TMEM220: variants seen among roughly 807,000 people sequenced by gnomAD.
The protein encoded by TMEM220 is transmembrane protein 220.
In TMEM220, 21 loss-of-function variants were observed where a neutral mutation model predicts 21.7. The observed-to-expected ratio is 0.97, with a 90% CI of 0.69 to 1.39. TMEM220 has a LOEUF of 1.39. TMEM220 is among the 40% of genes most tolerant of loss of function. The probability of loss-of-function intolerance (pLI) is 0.00; values close to 1 mark genes in which losing one functional copy is unlikely to be tolerated. For synonymous variants in TMEM220, 80 were observed against 73.6 expected (o/e 1.09, Z -0.45); for missense variants, 191 against 201.9 (o/e 0.95, Z 0.33).
At chr17:10,726,142 AC>A in intron 3 of TMEM220, 61 bp downstream of exon 3, 1 of 1,365,900 alleles carries the variant, frequency 7.3e-7, no homozygotes, top group Admixed American at 1.7e-5. Context: ...GGGCAGATAG[AC>A]CCTCATTATT....
At chr17:10,722,999 T>TG (rs2075009667) in intron 5 of TMEM220, among the ~76,000 whole-genome samples, 4 of 151,732 alleles carry the variant, frequency 2.6e-5, no homozygotes, top group Admixed American at 6.6e-5. Context: ...TTTTTTTTTT[T>TG]TGAGAGAGTG....
chr17:10,726,921 G>A (rs992095630), intron 2 of TMEM220, among the ~76,000 whole-genome samples: 2 of 152,200 alleles, frequency 1.3e-5, no homozygotes, highest in African/African-American at 2.4e-5. Context: ...TAAGTAGGGA[G>A]GGTGGGTTTA....
chr17:10,726,447 G>A (rs1196737390), intron 2 of TMEM220, 183 bp from the exon 3 acceptor site: 1 of 614,740 alleles, frequency 1.6e-6, no homozygotes, highest in Admixed American at 2.6e-5. Flanking sequence ...TAGCACGTCT[G>A]CCTGCAATTT....
At chr17:10,725,459 TCTC>T (rs1200516721) in intron 3 of TMEM220, among the ~76,000 whole-genome samples, 1 of 152,202 alleles carries the variant, frequency 6.6e-6, no homozygotes. Flanking sequence ...ATACATGTTA[TCTC>T]CTCAGCCACA....
chr17:10,729,756 C>T (rs1395844930), intron 1 of TMEM220, 24 bp downstream of exon 1: 85 of 1,344,386 alleles, frequency 6.3e-5, no homozygotes, highest in South Asian at 1.4e-4. Flanking sequence ...CGGGCGGGTC[C>T]CCCTCCCACC....
chr17:10,711,376 A>AT, downstream of TMEM220: 1 of 497,440 alleles, frequency 2.0e-6, no homozygotes. Flanking sequence ...TATAGTCCTC[A>AT]TAAGGGGCAT....
At chr17:10,728,959 T>C in intron 2 of TMEM220, 72 bp downstream of exon 2, 3 of 1,532,270 alleles carry the variant, frequency 2.0e-6, no homozygotes, top group Non-Finnish European at 2.7e-6. Flanking sequence ...GGTAAAGACA[T>C]AAAACCGTGT....
chr17:10,724,976 T>A (rs766576744), intron 4 of TMEM220, 35 bp downstream of exon 4: 126 of 1,613,508 alleles, frequency 7.8e-5, no homozygotes, highest in Non-Finnish European at 1.0e-4. Flanking sequence ...TATCCCACAG[T>A]TCTATCCCTC....
At chr17:10,723,128 G>C (rs567870678) in intron 5 of TMEM220, 142 bp downstream of exon 5, 9 of 681,046 alleles carry the variant, frequency 1.3e-5, no homozygotes, top group Admixed American at 6.3e-5. Context: ...CTACAGGCGC[G>C]TGCCACCACA....
chr17:10,728,199 G>A (rs2151482005), intron 2 of TMEM220, among the ~76,000 whole-genome samples: 1 of 148,980 alleles, frequency 6.7e-6, no homozygotes, highest in South Asian at 2.1e-4. Flanking sequence ...AAGATGTATG[G>A]AACAATGGCC....
At position 10,729,148 on chromosome 17, in the gene TMEM220, T is replaced by C. The variant is rs2075089799; in HGVS notation, c.73-88A>G. Reference sequence around the variant, plus strand: ...CATTTAAGCACATTTTTTATTAATTTGTTAAGTGCCAGACACTGCAATAGG... The same window carrying C: ...CATTTAAGCACATTTTTTATTAATTCGTTAAGTGCCAGACACTGCAATAGG... On this transcript the variant is annotated intron_variant, in intron 1 of 5. Coordinates refer to ENST00000341871, the MANE Select transcript of TMEM220 (RefSeq NM_001004313.3). 3 of 1,491,696 alleles carry C rather than the reference T, an allele frequency of 2.0e-6. No homozygotes were observed. In the African/African-American group the frequency reaches 4.1e-5, roughly 21 times the overall value. The allele number at this position is 1,491,696 out of a possible 1,614,324, so 92.4% of individuals were successfully genotyped here.
downstream of TMEM220, among the ~76,000 whole-genome samples, chr17:10,712,806 A>G (rs2074863129): frequency 6.6e-6 from 1 of 152,248 alleles, no homozygotes; most frequent in Non-Finnish European, 1.5e-5. Flanking sequence ...AATATGGCAG[A>G]AAAGGACAGG....
intron 5 of TMEM220, among the ~76,000 whole-genome samples, chr17:10,721,411 C>A (rs561582077): frequency 6.6e-6 from 1 of 152,148 alleles, no homozygotes; most frequent in Admixed American, 6.5e-5. Context: ...GAGTTTGAGA[C>A]CATCCTGGCC....
chr17:10,713,584 T>C lies in TMEM220; in HGVS notation c.*1869A>G, dbSNP rs1246435842. On this transcript the variant is annotated 3_prime_UTR_variant, in exon 6 of 6. Coordinates refer to ENST00000341871, the MANE Select transcript of TMEM220 (RefSeq NM_001004313.3). Reference sequence around the variant, plus strand: ...TTTTTTGCATGTGACTTCAGTAGTTTATTAATACTAAAGGAGTTATAAAAG... The same window carrying C: ...TTTTTTGCATGTGACTTCAGTAGTTCATTAATACTAAAGGAGTTATAAAAG... 2.0e-5 allele frequency: 3 copies of C among 152,160 alleles called. No individual in the cohort carries two copies. The highest frequency in any genetic ancestry group is 4.4e-5 in the Non-Finnish European group (3 of 68,018). 9.4% of individuals were successfully genotyped at this position (152,160 alleles called of 1,614,324 possible). A position where few individuals can be genotyped will look rare whatever the true frequency, so the allele number is the denominator to read the frequency against.
rs781766035 is a variant in TMEM220, at chr17:10,715,481, C to T, written c.455G>A (p.Trp152Ter). 3.1e-6 allele frequency: 5 copies of T among 1,594,628 alleles called. No homozygotes were observed. The highest frequency in any genetic ancestry group is 3.7e-5 in the Admixed American group (2 of 53,574). Residue 152 changes from tryptophan (W) to a stop codon, truncating the protein, a stop_gained, in exon 6 of 6, where the codon TGG becomes TAG. Coordinates refer to ENST00000341871, the MANE Select transcript of TMEM220 (RefSeq NM_001004313.3). LOFTEE classifies it high-confidence loss of function. ...IYINKEMRSS[W>*]PTHCKTVI is the part of the protein sequence containing the mutation. ...AATTACTGTCTTGCAGTGAGTTGGC[C>T]AAGAGGACCGCATTTCCTTGTTAAT...
rs9674753 is a variant in TMEM220, at chr17:10,716,456, G to A, written c.348-868C>T. On this transcript the variant is annotated intron_variant, in intron 5 of 5. Transcript: ENST00000341871. Reference sequence around the variant, plus strand: ...GTCAGAACTCAAACTCCAGAAACTCGTGGCTGAACTTGCCCTTGTGCCCCA... The same window carrying A: ...GTCAGAACTCAAACTCCAGAAACTCATGGCTGAACTTGCCCTTGTGCCCCA... 1.0e-3 allele frequency: 691 copies of A among 679,262 alleles called. No homozygotes were observed. In the African/African-American group the frequency reaches 0.011, roughly 11 times the overall value. The allele number at this position is 679,262 out of a possible 1,614,324, so 42.1% of individuals were successfully genotyped here.
chr17:10,729,676 T>C, intron 1 of TMEM220, 104 bp downstream of exon 1: 1 of 1,003,770 alleles, frequency 1.0e-6, no homozygotes. Context: ...CCCCACTAAC[T>C]GTGCGCCCCT....
intron 5 of TMEM220, among the ~76,000 whole-genome samples, chr17:10,718,834 A>G (rs867194955): frequency 1.7e-4 from 26 of 152,198 alleles, no homozygotes; most frequent in African/African-American, 6.0e-4. Context: ...ATTTGTTAGT[A>G]CTTATTTCAT....
chr17:10,723,415 C>G (rs533230905), intron 4 of TMEM220, 86 bp from the exon 5 acceptor site: 2 of 957,090 alleles, frequency 2.1e-6, no homozygotes, highest in African/African-American at 3.2e-5. Flanking sequence ...CACCTGATAG[C>G]GCATTCTGAT....
Sources: allele counts gnomAD v4.1 joint callset (sites outside exome capture counted in the v4.1 genomes callset), GRCh38; gene constraint gnomAD v4.1.1; transcripts MANE v1.5; gene names NCBI Gene and HGNC (gene_info 2026-07-23, HGNC 2026-07-21).